The following DOCK9 variants were observed in gnomAD, a reference collection of about 807,000 sequenced individuals.
DOCK9 encodes the protein dedicator of cytokinesis 9.
Under a neutral mutation model 263.3 loss-of-function variants are expected in DOCK9, and 89 were observed. That is an observed-to-expected ratio of 0.34 (90% CI 0.28 to 0.40). The LOEUF (loss-of-function observed/expected upper bound fraction) is 0.40. Ranked by LOEUF, DOCK9 falls within the 10% of genes least tolerant of loss-of-function variation. The probability of loss-of-function intolerance (pLI) is 1.00; values close to 1 mark genes in which losing one functional copy is unlikely to be tolerated. For missense variants in DOCK9, 2,140 were observed against 2,603.4 expected (o/e 0.82, Z 3.87); for synonymous variants, 976 against 973.1 (o/e 1.00, Z -0.06).
intron 36 of DOCK9, among the ~76,000 whole-genome samples, chr13:98,848,846 C>T (rs1444830226): frequency 6.6e-6 from 1 of 152,088 alleles, no homozygotes; most frequent in African/African-American, 2.4e-5. Context: ...GAGGGAAGCC[C>T]CATCCTGTGT....
intron 1 of DOCK9, among the ~76,000 whole-genome samples, chr13:99,084,215 GA>G (rs1382580719): frequency 2.6e-5 from 4 of 152,230 alleles, no homozygotes. Flanking sequence ...AGAGTACCAG[GA>G]AGGAGGTGGG....
At chr13:98,956,688 A>G (rs1262440562) in intron 1 of DOCK9, among the ~76,000 whole-genome samples, 2 of 152,176 alleles carry the variant, frequency 1.3e-5, no homozygotes, top group Non-Finnish European at 1.5e-5. Flanking sequence ...CGGAGGTTGC[A>G]GTGAGCTGAG....
intron 1 of DOCK9, among the ~76,000 whole-genome samples, chr13:98,968,314 T>A (rs956807768): frequency 6.6e-6 from 1 of 152,182 alleles, no homozygotes; most frequent in Admixed American, 6.5e-5. Context: ...TTACTTTAAC[T>A]TGGCTACTAG....
rs1161796805 is a variant in DOCK9 at position 98,793,763 on chromosome 13, C to T, written c.*863G>A. On this transcript the variant is annotated 3_prime_UTR_variant, in exon 53 of 53. Transcript: ENST00000682017. ...AACCTAATATAGTAAAGACTGTATA[C>T]ATCTCCATATTGCACATTTTTATGT... 4.6e-5 allele frequency: 7 copies of T among 152,628 alleles called. No homozygotes were observed. The highest frequency in any genetic ancestry group is 7.2e-5 in the African/African-American group (3 of 41,448). 9.5% of individuals were successfully genotyped at this position (152,628 alleles called of 1,614,324 possible). A position where few individuals can be genotyped will look rare whatever the true frequency, so the allele number is the denominator to read the frequency against.
chr13:98,797,345 T>G (rs1177410929), intron 51 of DOCK9, 44 bp downstream of exon 51: 15 of 1,608,030 alleles, frequency 9.3e-6, no homozygotes, highest in Non-Finnish European at 1.3e-5. Flanking sequence ...AGTACAGAAA[T>G]GATCAATACT....
chr13:98,872,553 T>C (rs144729126), intron 27 of DOCK9, among the ~76,000 whole-genome samples: 41 of 152,232 alleles, frequency 2.7e-4, no homozygotes, highest in Non-Finnish European at 5.1e-4. Flanking sequence ...ATAACAGGCA[T>C]GTGTCACCAT....
At chr13:98,894,110 C>G (rs1405019623) in intron 15 of DOCK9, among the ~76,000 whole-genome samples, 1 of 152,198 alleles carries the variant, frequency 6.6e-6, no homozygotes, top group Non-Finnish European at 1.5e-5. Context: ...TGAAGCCCCA[C>G]TCCCCAGCCT....
intron 1 of DOCK9, among the ~76,000 whole-genome samples, chr13:99,012,587 C>A (rs1306943640): frequency 6.6e-6 from 1 of 152,152 alleles, no homozygotes; most frequent in African/African-American, 2.4e-5. Context: ...AAGCTGAGAA[C>A]CCTGGTGCAA....
chr13:98,965,797 C>T (rs1194942429), intron 1 of DOCK9, among the ~76,000 whole-genome samples: 2 of 152,122 alleles, frequency 1.3e-5, no homozygotes, highest in Admixed American at 1.3e-4. Context: ...CACCAAACTC[C>T]CAGACATCTA....
intron 1 of DOCK9, among the ~76,000 whole-genome samples, chr13:99,037,960 T>C (rs1368751665): frequency 6.6e-6 from 1 of 152,146 alleles, no homozygotes; most frequent in Non-Finnish European, 1.5e-5. Flanking sequence ...GAAGGACGGA[T>C]CATAAAAGGC....
chr13:98,848,165 T>C (rs1273124408), intron 37 of DOCK9, among the ~76,000 whole-genome samples: 2 of 152,026 alleles, frequency 1.3e-5, no homozygotes, highest in Non-Finnish European at 2.9e-5. Flanking sequence ...AGAAGAGTGG[T>C]TAGGTGAGAT....
rs923765446 is a variant in DOCK9 at position 98,868,146 on chromosome 13, C to T, written c.3090+85G>A. 2.5e-5 allele frequency: 39 copies of T among 1,569,524 alleles called. No individual in the cohort carries two copies. The Middle Eastern group carries it at 2.2e-3, about 88-fold the overall frequency. On this transcript the variant is annotated intron_variant, in intron 28 of 52. Transcript: ENST00000682017. ...GCCATCAACATTGCCAGAGCACCTACTCTATTCTAGTCACCCTGCTAGACA... is the reference window on the plus strand; with the variant it reads ...GCCATCAACATTGCCAGAGCACCTATTCTATTCTAGTCACCCTGCTAGACA...
chr13:98,910,565 A>G (rs1026208877), intron 9 of DOCK9, among the ~76,000 whole-genome samples: 2 of 152,196 alleles, frequency 1.3e-5, no homozygotes, highest in African/African-American at 4.8e-5. Flanking sequence ...TTATTTTTGC[A>G]CTGAAACAAC....
At chr13:98,856,097 AC>A in intron 33 of DOCK9, 66 bp from the exon 34 acceptor site, 2 of 1,530,642 alleles carry the variant, frequency 1.3e-6, no homozygotes, top group Non-Finnish European at 1.8e-6. Flanking sequence ...TGAGTACTGA[AC>A]TTTAAGGGAA....
chr13:98,846,384 C>G, intron 37 of DOCK9: 1 of 687,728 alleles, frequency 1.5e-6, no homozygotes, highest in Non-Finnish European at 2.3e-6. Flanking sequence ...CAAAACGTCA[C>G]TAATCTTTTT....
chr13:98,993,845 A>G (rs1454046879), intron 1 of DOCK9, among the ~76,000 whole-genome samples: 1 of 152,262 alleles, frequency 6.6e-6, no homozygotes, highest in Non-Finnish European at 1.5e-5. Flanking sequence ...CACTGTAGTT[A>G]GAATTATCTA....
In DOCK9 at chr13:98,925,821, A is replaced by G; in HGVS notation, c.416+16T>C. 6.5e-7 allele frequency: 1 copy of G among 1,531,562 alleles called. No homozygotes were observed. Among genetic ancestry groups the G allele is most frequent in the Non-Finnish European group, 8.8e-7 (1 of 1,131,884 alleles). The allele number at this position is 1,531,562 out of a possible 1,614,324, so 94.9% of individuals were successfully genotyped here. A position where few individuals can be genotyped will look rare whatever the true frequency, so the allele number is the denominator to read the frequency against. On this transcript the variant is annotated intron_variant, in intron 4 of 52. Coordinates refer to ENST00000682017, the MANE Select transcript of DOCK9 (RefSeq NM_001366683.2). Reference sequence around the variant, plus strand: ...TACAAAGACTTTTCCCTATGTGTATAATATAGCTTACTCACTTCGGAAGCT... The same window carrying G: ...TACAAAGACTTTTCCCTATGTGTATGATATAGCTTACTCACTTCGGAAGCT...
intron 1 of DOCK9, among the ~76,000 whole-genome samples, chr13:98,986,128 C>T (rs999912984): frequency 6.6e-6 from 1 of 152,250 alleles, no homozygotes; most frequent in African/African-American, 2.4e-5. Flanking sequence ...TTCACTTCTC[C>T]CTGTCCAGCT....
In DOCK9 at chr13:98,863,035, G is replaced by A; in HGVS notation, c.3563C>T (p.Pro1188Leu). ...RINVRDVSPF[P>L]VNAGMTVKDE... ...CTTACGTACCATGCCCGCGTTCACAGGGAAGGGTGACACATCCCTCACATT... is the reference window on the plus strand; with the variant it reads ...CTTACGTACCATGCCCGCGTTCACAAGGAAGGGTGACACATCCCTCACATT... The change falls in exon 32 of 53, where the codon CCT becomes CTT. Residue 1188 changes from proline to leucine, a missense_variant. Physicochemically the swap from Pro to Leu is moderately conservative, Grantham distance 98. This residue lies in a region of DOCK9 where 1,521 missense variants were observed against 1,741.7 expected (regional missense o/e 0.87). Coordinates refer to ENST00000682017, the MANE Select transcript of DOCK9 (RefSeq NM_001366683.2). 6 of 1,608,932 alleles carry A rather than the reference G, an allele frequency of 3.7e-6. No homozygotes were observed. Among genetic ancestry groups the A allele is most frequent in the Non-Finnish European group, 4.2e-6 (5 of 1,177,778 alleles).
Sources: allele counts gnomAD v4.1 joint callset (sites outside exome capture counted in the v4.1 genomes callset), GRCh38; gene constraint gnomAD v4.1.1; regional missense constraint gnomAD v4.1.1; transcripts MANE v1.5; gene names NCBI Gene and HGNC (gene_info 2026-07-23, HGNC 2026-07-21).